The following DMD variants were observed in gnomAD, a reference collection of about 807,000 sequenced individuals.
The protein encoded by DMD is dystrophin.
In DMD, 63 loss-of-function variants were observed where a neutral mutation model predicts 330.1. That is an observed-to-expected ratio of 0.19 (90% CI 0.16 to 0.24). The LOEUF (loss-of-function observed/expected upper bound fraction) is 0.24, where lower values mean the gene tolerates loss of function less well. Ranked by LOEUF, DMD falls within the 10% of genes least tolerant of loss-of-function variation. DMD has a pLI of 1.00. For synonymous variants in DMD, 1,223 were observed against 959.8 expected (o/e 1.27, Z -5.07); for missense variants, 3,344 against 2,684.1 (o/e 1.25, Z -5.43).
chrX:31,168,362 G>C (rs1234431523), intron 74 of DMD, among the ~76,000 whole-genome samples: 5 of 111,434 alleles, frequency 4.5e-5, no homozygotes, highest in African/African-American at 1.6e-4. Context: ...GTTCTGGCAA[G>C]ATGTACAAGT....
chrX:32,516,563 TAAGATA>T (rs1441457183), intron 18 of DMD: 6 of 111,824 alleles, frequency 5.4e-5, no homozygotes, highest in Non-Finnish European at 1.1e-4. Context: ...AAAGCTGTCT[TAAGATA>T]AAGAAACAGA....
At chrX:32,481,741 CA>C (rs752971597) in intron 21 of DMD, among the ~76,000 whole-genome samples, 2 of 111,766 alleles carry the variant, frequency 1.8e-5, no homozygotes, top group African/African-American at 3.2e-5. Flanking sequence ...TTTCAGACGC[CA>C]AAGTAATTAT....
At chrX:31,356,172 A>G (rs1318540540) in intron 60 of DMD, among the ~76,000 whole-genome samples, 20 of 111,667 alleles carry the variant, frequency 1.8e-4, no homozygotes, top group Non-Finnish European at 9.4e-5. Context: ...CTAACATGGC[A>G]CTCACTCTGA....
chrX:31,207,714 T>A (rs1200809516), intron 65 of DMD, among the ~76,000 whole-genome samples: 1 of 111,635 alleles, frequency 9.0e-6, no homozygotes, highest in Non-Finnish European at 1.9e-5. Context: ...TACTGGGGTC[T>A]TGAGGGTGGA....
At chrX:33,176,673 C>T (rs1040173046) in intron 1 of DMD, among the ~76,000 whole-genome samples, 1 of 110,781 alleles carries the variant, frequency 9.0e-6, no homozygotes, top group Admixed American at 9.7e-5. Context: ...CAGTGGCTCA[C>T]GCCTGTAATC....
intron 2 of DMD, among the ~76,000 whole-genome samples, chrX:32,868,904 G>C (rs771211075): frequency 3.5e-4 from 39 of 112,190 alleles, no homozygotes; most frequent in African/African-American, 1.2e-3. Context: ...GGCAGCCAGA[G>C]TGCTTCCTTA....
intron 29 of DMD, among the ~76,000 whole-genome samples, chrX:32,427,400 G>T (rs185223169): frequency 9.0e-6 from 1 of 110,771 alleles, no homozygotes; most frequent in Non-Finnish European, 1.9e-5. Flanking sequence ...ATAATATTTT[G>T]GGAATAATTA....
intron 23 of DMD, among the ~76,000 whole-genome samples, chrX:32,466,091 T>G (rs978679173): frequency 9.0e-6 from 1 of 111,489 alleles, no homozygotes; most frequent in East Asian, 2.8e-4. Context: ...AAGTTTTTAT[T>G]GTTATTATTA....
intron 2 of DMD, among the ~76,000 whole-genome samples, chrX:32,955,691 A>G (rs1356651443): frequency 9.0e-6 from 1 of 111,525 alleles, no homozygotes; most frequent in Non-Finnish European, 1.9e-5. Flanking sequence ...TAAGTCTTTA[A>G]TCTATCTTGA....
At chrX:31,510,728 C>G (rs2071438023) in intron 55 of DMD, among the ~76,000 whole-genome samples, 1 of 109,922 alleles carries the variant, frequency 9.1e-6, no homozygotes, top group Non-Finnish European at 1.9e-5. Flanking sequence ...CCAGGATGGT[C>G]TCGATCTCCT....
intron 44 of DMD, among the ~76,000 whole-genome samples, chrX:31,984,168 T>G (rs918089420): frequency 8.0e-5 from 9 of 112,431 alleles, no homozygotes; most frequent in Non-Finnish European, 1.9e-5. Flanking sequence ...TAAACATCTA[T>G]TTTGTCTTTC....
chrX:32,699,693 C>A (rs1001188166), intron 7 of DMD, among the ~76,000 whole-genome samples: 2 of 111,487 alleles, frequency 1.8e-5, no homozygotes, highest in African/African-American at 6.5e-5. Flanking sequence ...TAAACAAATA[C>A]ACAAAATGGT....
rs1402235321 is a variant in DMD, at chrX:32,921,217, C to T, written c.94-71397G>A. 3.6e-5 allele frequency among the ~76,000 whole-genome samples: 4 copies of T among 111,757 alleles called. No individual in the cohort carries two copies. The East Asian group carries it at 1.1e-3, about 31-fold the overall frequency. On this transcript the variant is annotated intron_variant, in intron 2 of 78. Transcript: ENST00000357033. Reference sequence around the variant, plus strand: ...GAATAAGTTGGTAGGTTTGAATATGCTGGATAACACTGTTTCTGATACCAC... The same window carrying T: ...GAATAAGTTGGTAGGTTTGAATATGTTGGATAACACTGTTTCTGATACCAC...
chrX:31,748,875 G>A (rs371699222), intron 51 of DMD, among the ~76,000 whole-genome samples: 2 of 111,376 alleles, frequency 1.8e-5, no homozygotes, highest in South Asian at 7.6e-4. Context: ...GAATAAAATG[G>A]CCCATATCCT....
upstream of DMD, among the ~76,000 whole-genome samples, chrX:33,215,903 C>T (rs1231687827): frequency 9.0e-6 from 1 of 111,647 alleles, no homozygotes; most frequent in Admixed American, 9.5e-5. Flanking sequence ...GTACCAGTAC[C>T]ATGCTGTTTG....
At chrX:31,831,478 T>C (rs2093028683) in intron 49 of DMD, among the ~76,000 whole-genome samples, 3 of 112,463 alleles carry the variant, frequency 2.7e-5, no homozygotes. Context: ...AAAAATCTAT[T>C]ATAAATTTTT....
At chrX:32,627,508 T>A (rs1454344175) in intron 11 of DMD, among the ~76,000 whole-genome samples, 1 of 96,224 alleles carries the variant, frequency 1.0e-5, no homozygotes, top group Non-Finnish European at 1.9e-5. Context: ...TTGTAATTAA[T>A]CCTATTGATT....
intron 44 of DMD, among the ~76,000 whole-genome samples, chrX:32,190,550 T>TTATATATATATATATA (rs753482446): frequency 0.016 from 1,016 of 62,373 alleles, 14 homozygotes; most frequent in Middle Eastern, 0.02. Flanking sequence ...ATTTAAAATT[T>TTATATATATATATATA]TATATATATA....
At chrX:31,366,511 T>TAAAAAAATAAAA (rs2059265579) in intron 60 of DMD, among the ~76,000 whole-genome samples, 2 of 37,306 alleles carry the variant, frequency 5.4e-5, no homozygotes, top group Non-Finnish European at 9.9e-5. Context: ...AAAAAAAAAA[T>TAAAAAAATAAAA]AAATAAATAA....
Sources: allele counts gnomAD v4.1 joint callset (sites outside exome capture counted in the v4.1 genomes callset), GRCh38; gene constraint gnomAD v4.1.1; transcripts MANE v1.5; gene names NCBI Gene and HGNC (gene_info 2026-07-23, HGNC 2026-07-21).